UBTD1: variants seen among roughly 807,000 people sequenced by gnomAD.
UBTD1 encodes ubiquitin domain-containing protein 1.
Under a neutral mutation model 21.7 loss-of-function variants are expected in UBTD1, and 19 were observed. The ratio of observed to expected loss-of-function variants is 0.87; its 90% CI spans 0.61 to 1.28. The LOEUF (loss-of-function observed/expected upper bound fraction) is 1.28. Ranked by LOEUF, UBTD1 falls within the 50% of genes most tolerant of loss-of-function variation. The pLI, the probability that UBTD1 is intolerant of heterozygous loss-of-function variation, is 0.00. For synonymous variants in UBTD1, 116 were observed against 135.1 expected (o/e 0.86, Z 0.98); for missense variants, 282 against 315.1 (o/e 0.89, Z 0.80).
intron 1 of UBTD1, among the ~76,000 whole-genome samples, chr10:97,558,163 G>A (rs898330424): frequency 6.6e-6 from 1 of 152,112 alleles, no homozygotes; most frequent in African/African-American, 2.4e-5. Flanking sequence ...ATGTTTAAGG[G>A]TGGTCTTGGT....
chr10:97,557,620 T>C (rs2040670998), intron 1 of UBTD1, among the ~76,000 whole-genome samples: 1 of 152,188 alleles, frequency 6.6e-6, no homozygotes, highest in Non-Finnish European at 1.5e-5. Flanking sequence ...CTGCTTACTA[T>C]CAATAGTGGC....
At chr10:97,516,745 TG>T (rs1222204916) in intron 1 of UBTD1, among the ~76,000 whole-genome samples, 8 of 151,424 alleles carry the variant, frequency 5.3e-5, no homozygotes, top group African/African-American at 1.9e-4. Context: ...CACTCCAGCC[TG>T]GGCAACAGAG....
intron 1 of UBTD1, among the ~76,000 whole-genome samples, chr10:97,528,914 C>G (rs1362346988): frequency 1.3e-5 from 2 of 150,486 alleles, no homozygotes; most frequent in African/African-American, 4.9e-5. Context: ...CCCCACCTCC[C>G]TCCTGGATGG....
At position 97,570,468 on chromosome 10, in the gene UBTD1, A is replaced by G. The variant is rs2040741422; in HGVS notation, c.629A>G (p.Gln210Arg). The change falls in exon 3 of 3, where the codon CAG (glutamine) becomes CGG (arginine). Residue 210 changes from glutamine (Q) to arginine (R), a missense_variant. Gln to Arg is a conservative substitution (Grantham distance 43). Coordinates refer to ENST00000370664, the MANE Select transcript of UBTD1 (RefSeq NM_024954.5). The surrounding 1 kb of genome is among the most constrained non-coding windows in gnomAD (Gnocchi z 6.6). The stretch of plus-strand genomic sequence containing the variant: ...ACACGGCTCCAGGAGACCAAGATCC[A>G]GAAAGATTTTGTCATCCAGGTCATC... ...DRTRLQETKI[Q>R]KDFVIQVIIN... The G allele has an allele frequency of 1.9e-6, 3 of 1,612,394 alleles. No homozygotes were observed. The highest frequency in any genetic ancestry group is 8.5e-7 in the Non-Finnish European group (1 of 1,179,346).
intron 1 of UBTD1, among the ~76,000 whole-genome samples, chr10:97,525,805 A>G (rs923281099): frequency 6.6e-6 from 1 of 152,184 alleles, no homozygotes; most frequent in African/African-American, 2.4e-5. Flanking sequence ...TTTGTTTTGT[A>G]TGGGTAAATA....
At chr10:97,534,300 C>G (rs888919959) in intron 1 of UBTD1, among the ~76,000 whole-genome samples, 5 of 152,202 alleles carry the variant, frequency 3.3e-5, no homozygotes, top group Admixed American at 3.3e-4. Context: ...GGCCTGAGCC[C>G]TGGGACTGAG....
chr10:97,512,537 C>T (rs1231281414), intron 1 of UBTD1, among the ~76,000 whole-genome samples: 1 of 152,216 alleles, frequency 6.6e-6, no homozygotes, highest in African/African-American at 2.4e-5. Context: ...TAGAAACCCA[C>T]ATGCTGTATG....
rs958533627 is a variant in UBTD1, at chr10:97,552,893, T to G, written c.71-15021T>G. On this transcript the variant is annotated intron_variant, in intron 1 of 2. Transcript: ENST00000370664. ...CTCCTGGCCATGTGCATTAGGTTGT[T>G]CCTAGCTTTAACCTGTTAAAAAGGT... Among the ~76,000 whole-genome samples the G allele has an allele frequency of 4.6e-5, 7 of 152,254 alleles. No individual in the cohort carries two copies. The South Asian group carries it at 1.0e-3, about 23-fold the overall frequency.
chr10:97,543,778 A>G (rs1407952156), intron 1 of UBTD1, among the ~76,000 whole-genome samples: 2 of 152,204 alleles, frequency 1.3e-5, no homozygotes, highest in Non-Finnish European at 2.9e-5. Context: ...AGGAACCACA[A>G]CCAGGGTGAA....
intron 1 of UBTD1, among the ~76,000 whole-genome samples, chr10:97,523,719 C>G (rs2040476000): frequency 6.6e-6 from 1 of 152,092 alleles, no homozygotes; most frequent in African/African-American, 2.4e-5. Context: ...TATTTTTCCT[C>G]TGTCTTTGTA....
intron 1 of UBTD1, among the ~76,000 whole-genome samples, chr10:97,500,751 T>G (rs1178073411): frequency 6.6e-6 from 1 of 152,120 alleles, no homozygotes; most frequent in African/African-American, 2.4e-5. Context: ...TGACATTCTG[T>G]TTTTTCTCTC....
intron 1 of UBTD1, among the ~76,000 whole-genome samples, chr10:97,559,099 C>A (rs962313132): frequency 6.6e-6 from 1 of 152,228 alleles, no homozygotes; most frequent in Non-Finnish European, 1.5e-5. Flanking sequence ...AATGCTAAGT[C>A]TCCTCCCTGC....
Position 97,570,613 on chromosome 10 carries a change from G to A in UBTD1, c.*90G>A, listed in dbSNP as rs974448086. On this transcript the variant is annotated 3_prime_UTR_variant, in exon 3 of 3. Transcript: ENST00000370664. This position sits in a 1 kb window ranked among gnomAD's most constrained non-coding sequence, Gnocchi z 6.6. Reference sequence around the variant, plus strand: ...TTCCAGTGCTGTCATTTTCTTCAGGGGCCCTCCCCTCGGTGTGGCTGGTGG... The same window carrying A: ...TTCCAGTGCTGTCATTTTCTTCAGGAGCCCTCCCCTCGGTGTGGCTGGTGG... 1 of 1,468,652 alleles carries A rather than the reference G, an allele frequency of 6.8e-7. No homozygotes were observed. The highest frequency in any genetic ancestry group is 9.2e-7 in the Non-Finnish European group (1 of 1,087,540). 91.0% of individuals were successfully genotyped at this position (1,468,652 alleles called of 1,614,324 possible).
intron 1 of UBTD1, among the ~76,000 whole-genome samples, chr10:97,511,369 C>T (rs1356989187): frequency 6.6e-6 from 1 of 152,110 alleles, no homozygotes; most frequent in African/African-American, 2.4e-5. Context: ...ATATTTGGGT[C>T]ATCAGTCTCA....
intron 1 of UBTD1, among the ~76,000 whole-genome samples, chr10:97,530,429 C>A (rs2040523684): frequency 6.6e-6 from 1 of 152,152 alleles, no homozygotes; most frequent in Non-Finnish European, 1.5e-5. Flanking sequence ...CAGAGTGAGA[C>A]CCCATCTCAA....
intron 1 of UBTD1, among the ~76,000 whole-genome samples, chr10:97,519,254 A>G (rs550147601): frequency 3.4e-4 from 52 of 152,338 alleles, no homozygotes; most frequent in African/African-American, 1.2e-3. Context: ...TGGATGGTAG[A>G]GGTTGTAGTA....
At chr10:97,513,137 G>A (rs7071742) in intron 1 of UBTD1, among the ~76,000 whole-genome samples, 124,537 of 152,124 alleles carry the variant, frequency 0.82, 52,320 homozygotes, top group East Asian at 0.98. Flanking sequence ...CTCTGCACAG[G>A]GGTGGTGCTG....
intron 1 of UBTD1, among the ~76,000 whole-genome samples, chr10:97,509,674 G>A (rs899308730): frequency 1.3e-5 from 2 of 152,096 alleles, no homozygotes; most frequent in African/African-American, 2.4e-5. Flanking sequence ...ACCCTGAGAC[G>A]GAGTCCTGCT....
At chr10:97,526,193 C>T (rs1030295932) in intron 1 of UBTD1, among the ~76,000 whole-genome samples, 1 of 152,180 alleles carries the variant, frequency 6.6e-6, no homozygotes, top group Non-Finnish European at 1.5e-5. Context: ...AAGGGTCTAA[C>T]AAGCACTCTT....
Sources: gnomAD v4.1 joint callset for allele counts (sites outside exome capture counted in the v4.1 genomes callset) on GRCh38, gnomAD v4.1.1 for gene constraint, Gnocchi (gnomAD v3.1) non-coding constraint, MANE v1.5 for transcripts, NCBI Gene and HGNC (gene_info 2026-07-23, HGNC 2026-07-21) for gene names.